NOL10: variants seen among roughly 807,000 people sequenced by gnomAD.
The protein encoded by NOL10 is H_NH0074G24.1.
A neutral mutation model predicts 103.5 loss-of-function variants in NOL10; 58 were observed. The observed-to-expected ratio is 0.56, with a 90% confidence interval of 0.45 to 0.70. NOL10 has a LOEUF of 0.70. NOL10 is among the 30% of genes least tolerant of loss of function. The pLI is 0.00. For missense variants in NOL10, 763 were observed against 807.3 expected (o/e 0.95, Z 0.67); for synonymous variants, 287 against 282.5 (o/e 1.02, Z -0.16).
Position 10,659,346 on chromosome 2 carries a change from G to T in NOL10, c.678-96C>A, listed in dbSNP as rs560441209. The T allele has an allele frequency of 1.8e-3, 895 of 486,338 alleles. 67 individuals are homozygous for T. Among genetic ancestry groups the T allele is most frequent in the African/African-American group, 0.017 (800 of 47,228 alleles). 30.1% of individuals were successfully genotyped at this position (486,338 alleles called of 1,614,324 possible). A position where few individuals can be genotyped will look rare whatever the true frequency, so the allele number is the denominator to read the frequency against. Reference sequence around the variant, plus strand: ...AGTCTTCACTTCAAATCTAATGGGGGGGGGGGGGAGGAATCACATTTCTAG... The same window carrying T: ...AGTCTTCACTTCAAATCTAATGGGGTGGGGGGGGAGGAATCACATTTCTAG... On this transcript the variant is annotated intron_variant, in intron 9 of 20. Coordinates refer to ENST00000381685, the MANE Select transcript of NOL10 (RefSeq NM_024894.4).
At chr2:10,654,023 T>G (rs922345681) in intron 12 of NOL10, among the ~76,000 whole-genome samples, 4 of 152,228 alleles carry the variant, frequency 2.6e-5, no homozygotes, top group Admixed American at 6.5e-5. Context: ...AAACCTAACA[T>G]GTAAATTGCT....
At chr2:10,674,938 T>C (rs1305949019) in intron 4 of NOL10, among the ~76,000 whole-genome samples, 2 of 152,182 alleles carry the variant, frequency 1.3e-5, no homozygotes, top group Non-Finnish European at 2.9e-5. Flanking sequence ...GTGCAGTGGC[T>C]CATGCCTGGA....
intron 8 of NOL10, among the ~76,000 whole-genome samples, chr2:10,664,180 C>T (rs1043957662): frequency 2.0e-5 from 3 of 151,892 alleles, no homozygotes; most frequent in Non-Finnish European, 4.4e-5. Context: ...CCTGTAATCC[C>T]AGCACTTTTG....
intron 13 of NOL10, among the ~76,000 whole-genome samples, chr2:10,610,438 C>T (rs150414190): frequency 3.9e-5 from 6 of 152,202 alleles, no homozygotes; most frequent in East Asian, 1.9e-4. Flanking sequence ...AGATTCATGG[C>T]CATTAAATTT....
chr2:10,636,044 T>A (rs1222820895), intron 13 of NOL10, among the ~76,000 whole-genome samples: 1 of 152,024 alleles, frequency 6.6e-6, no homozygotes, highest in Non-Finnish European at 1.5e-5. Context: ...TGCCAAAGCA[T>A]GCTCAGCTAT....
At position 10,664,733 on chromosome 2, in the gene NOL10, G is replaced by A. The variant is rs534306007; in HGVS notation, c.592-1689C>T. Reference sequence around the variant, plus strand: ...GGATTTTTGGTAGAGAAGAGGTGTCGCCATGTTGCCCAGGCTGGTCTCGAA... The same window carrying A: ...GGATTTTTGGTAGAGAAGAGGTGTCACCATGTTGCCCAGGCTGGTCTCGAA... On this transcript the variant is annotated intron_variant, in intron 8 of 20. Transcript: ENST00000381685. Among the ~76,000 whole-genome samples the A allele has an allele frequency of 8.0e-4, 121 of 152,194 alleles. 3 individuals carry two copies. The South Asian group carries it at 0.015, about 18-fold the overall frequency.
intron 17 of NOL10, among the ~76,000 whole-genome samples, chr2:10,591,389 A>G (rs980973681): frequency 3.3e-5 from 5 of 152,284 alleles, no homozygotes; most frequent in East Asian, 3.9e-4. Context: ...GGGGTGCAGC[A>G]TCAGGGAGGG....
At chr2:10,614,655 C>T (rs1676743887) in intron 13 of NOL10, among the ~76,000 whole-genome samples, 1 of 152,134 alleles carries the variant, frequency 6.6e-6, no homozygotes, top group Admixed American at 6.5e-5. Context: ...AAATCAGGTC[C>T]AGTCAGGGTT....
At chr2:10,679,561 T>C (rs538123739) in intron 3 of NOL10, among the ~76,000 whole-genome samples, 2 of 150,638 alleles carry the variant, frequency 1.3e-5, no homozygotes, top group South Asian at 4.2e-4. Flanking sequence ...TTTCTTCCTT[T>C]CTTTCCTTTT....
chr2:10,615,336 A>G (rs1278246054), intron 13 of NOL10, among the ~76,000 whole-genome samples: 1 of 152,236 alleles, frequency 6.6e-6, no homozygotes, highest in Non-Finnish European at 1.5e-5. Context: ...CAAGAAAAAT[A>G]AGGCCAAGTT....
At position 10,595,144 on chromosome 2, in the gene NOL10, C is replaced by CAGAGAGAGAG. The variant is rs77723934; in HGVS notation, c.1423-5403_1423-5394dup. Among the ~76,000 whole-genome samples the CAGAGAGAGAG allele has an allele frequency of 3.9e-4, 48 of 124,230 alleles. 1 individual carries two copies. The highest frequency in any genetic ancestry group is 1.1e-3 in the South Asian group (4 of 3,588). 81.5% of individuals were successfully genotyped at this position (124,230 alleles called of 152,430 possible). On this transcript the variant is annotated intron_variant, in intron 17 of 20. Transcript: ENST00000381685. Reference sequence around the variant, plus strand: ...GCAAGAGGGAGGGAGGGGGAGGGGGCAGAGAGAGAGAGAGAGAGAGAGAGA... The same window carrying CAGAGAGAGAG: ...GCAAGAGGGAGGGAGGGGGAGGGGGCAGAGAGAGAGAGAGAGAGAGAGAGAGAGAGAGAGA...
rs369559409 is a variant in NOL10 at position 10,678,098 on chromosome 2, G to C, written c.212-2227C>G. 4.6e-5 allele frequency among the ~76,000 whole-genome samples: 7 copies of C among 152,060 alleles called. 1 individual carries two copies. In the East Asian group the frequency reaches 7.7e-4, roughly 17 times the overall value. On this transcript the variant is annotated intron_variant, in intron 3 of 20. Transcript: ENST00000381685. ...CAGGGTCTCGCTGTTGCCCAGGTTG[G>C]AGCACAGTGGTGCAATCATAGCTCA...
At chr2:10,682,125 TAAG>T (rs1226427933) in intron 2 of NOL10, 56 bp from the exon 3 acceptor site, 24 of 730,648 alleles carry the variant, frequency 3.3e-5, no homozygotes, top group Admixed American at 2.9e-4. Context: ...TTCTCTATCA[TAAG>T]AAGACAAATG....
At position 10,587,098 on chromosome 2, in the gene NOL10, C is replaced by CACATATATAT. The variant is rs1410026893; in HGVS notation, c.1844+1935_1844+1944dup. ...ATATACATATATATACATATATATA[C>CACATATATAT]ACATATATATACATATATATACATA... is the stretch of plus-strand genomic sequence containing the variant. On this transcript the variant is annotated intron_variant, in intron 19 of 20. Coordinates refer to ENST00000381685, the MANE Select transcript of NOL10 (RefSeq NM_024894.4). Among the ~76,000 whole-genome samples the CACATATATAT allele has an allele frequency of 2.3e-4, 10 of 44,088 alleles. 2 individuals are homozygous for CACATATATAT. The South Asian group carries it at 2.8e-3, about 12-fold the overall frequency. 28.9% of individuals were successfully genotyped at this position (44,088 alleles called of 152,430 possible).
intron 13 of NOL10, among the ~76,000 whole-genome samples, chr2:10,611,268 G>A (rs572539602): frequency 5.3e-5 from 8 of 152,192 alleles, no homozygotes; most frequent in Non-Finnish European, 1.0e-4. Context: ...GTACCAACAT[G>A]CTACAAGAAG....
At chr2:10,619,927 T>A (rs1335850235) in intron 13 of NOL10, among the ~76,000 whole-genome samples, 1 of 152,238 alleles carries the variant, frequency 6.6e-6, no homozygotes, top group Non-Finnish European at 1.5e-5. Flanking sequence ...GTTAAAGTCC[T>A]CTACTTCTAC....
At position 10,605,678 on chromosome 2, in the gene NOL10, A is replaced by G. The variant is rs1187125446; in HGVS notation, c.1153+1507T>C. Among the ~76,000 whole-genome samples, 4 of 151,882 alleles carry G rather than the reference A, an allele frequency of 2.6e-5. No individual in the cohort carries two copies. The Middle Eastern group carries it at 0.01, about 387-fold the overall frequency. ...CATAGTAGTTTTTAAAAAATCCATA[A>G]AAGAACAATGACCTTTTTTCATTCG... On this transcript the variant is annotated intron_variant, in intron 14 of 20. Transcript: ENST00000381685.
At chr2:10,666,861 T>C (rs894457676) in intron 8 of NOL10, among the ~76,000 whole-genome samples, 1 of 152,170 alleles carries the variant, frequency 6.6e-6, no homozygotes, top group Non-Finnish European at 1.5e-5. Flanking sequence ...GTGTTACCTC[T>C]GGGGTGTAGG....
chr2:10,573,394 A>G (rs750860099), intron 20 of NOL10, among the ~76,000 whole-genome samples: 1 of 152,098 alleles, frequency 6.6e-6, no homozygotes, highest in Non-Finnish European at 1.5e-5. Context: ...GGGTTTCACC[A>G]TGTTGTCCAG....
Sources: gnomAD v4.1 joint callset for allele counts (sites outside exome capture counted in the v4.1 genomes callset) on GRCh38, gnomAD v4.1.1 for gene constraint, MANE v1.5 for transcripts, NCBI Gene and HGNC (gene_info 2026-07-23, HGNC 2026-07-21) for gene names.